Variants in AVEN observed in about 807,000 individuals in gnomAD.
AVEN encodes the protein cell death regulator Aven.
In AVEN, 41 loss-of-function variants were observed where a neutral mutation model predicts 38.1. The ratio of observed to expected loss-of-function variants is 1.08; its 90% CI spans 0.84 to 1.40. The LOEUF (loss-of-function observed/expected upper bound fraction) is 1.40, where lower values mean the gene tolerates loss of function less well. Among genes scored for constraint, AVEN ranks in the 40% most tolerant of loss-of-function variants. The pLI is 0.00. For synonymous variants in AVEN, 206 were observed against 171.8 expected (o/e 1.20, Z -1.56); for missense variants, 605 against 438.8 (o/e 1.38, Z -3.38).
intron 2 of AVEN, among the ~76,000 whole-genome samples, chr15:33,988,870 A>T (rs1876721951): frequency 6.6e-6 from 1 of 152,228 alleles, no homozygotes; most frequent in African/African-American, 2.4e-5. Flanking sequence ...AGTAAAGGTG[A>T]TTTCCCAACT....
At chr15:33,894,825 ATAACAATAATAATAAT>A (rs1892160193) in intron 2 of AVEN, among the ~76,000 whole-genome samples, 1 of 87,676 alleles carries the variant, frequency 1.1e-5, no homozygotes, top group Non-Finnish European at 2.3e-5. Context: ...AAAAAAAATA[ATAACAATAATAATAAT>A]AATAATAATA....
intron 2 of AVEN, among the ~76,000 whole-genome samples, chr15:33,942,973 A>T (rs1894372577): frequency 6.6e-6 from 1 of 152,246 alleles, no homozygotes; most frequent in Non-Finnish European, 1.5e-5. Flanking sequence ...AATAAAAGTG[A>T]ATGTTGGCAA....
At chr15:33,868,296 G>C (rs1056791906) in intron 4 of AVEN, among the ~76,000 whole-genome samples, 1 of 152,068 alleles carries the variant, frequency 6.6e-6, no homozygotes, top group East Asian at 1.9e-4. Flanking sequence ...GGCCAAGGTG[G>C]GTGGATCATG....
At chr15:33,859,272 T>A (rs1185921624) in intron 11 of AVEN, among the ~76,000 whole-genome samples, 1 of 152,236 alleles carries the variant, frequency 6.6e-6, no homozygotes, top group African/African-American at 2.4e-5. Flanking sequence ...AAAATTATTA[T>A]ATGGCATAGG....
chr15:33,920,894 GC>G (rs891515557), intron 2 of AVEN, among the ~76,000 whole-genome samples: 3 of 151,954 alleles, frequency 2.0e-5, no homozygotes, highest in African/African-American at 7.3e-5. Flanking sequence ...TCCTGCCTCA[GC>G]CCCCCAAGCA....
intron 4 of AVEN, 132 bp from the exon 5 acceptor site, chr15:33,867,987 TG>T: frequency 7.8e-7 from 1 of 1,288,986 alleles, no homozygotes. Flanking sequence ...GTTCACAAAG[TG>T]GCTCCTTTCC....
intron 5 of AVEN, among the ~76,000 whole-genome samples, chr15:34,055,467 T>G (rs1900103934): frequency 6.6e-6 from 1 of 151,782 alleles, no homozygotes. Flanking sequence ...ATCACGCCAC[T>G]GCATTCCAGC....
intron 2 of AVEN, among the ~76,000 whole-genome samples, chr15:33,993,868 A>G (rs1896828286): frequency 6.6e-6 from 1 of 152,158 alleles, no homozygotes; most frequent in African/African-American, 2.4e-5. Flanking sequence ...TGAACTTTAT[A>G]TAATAGAATC....
At chr15:34,075,038 G>A (rs536732520) in exon 1 of AVEN, among the ~76,000 whole-genome samples, 3 of 152,104 alleles carry the variant, frequency 2.0e-5, no homozygotes, top group Admixed American at 6.5e-5. Flanking sequence ...GTAGCTGGGC[G>A]TGGTGGCACA....
intron 1 of AVEN, among the ~76,000 whole-genome samples, chr15:34,014,225 G>A (rs922545993): frequency 5.3e-5 from 8 of 151,868 alleles, no homozygotes; most frequent in South Asian, 2.1e-4. Flanking sequence ...TTAGCCAGGC[G>A]TGGTGGCACG....
intron 2 of AVEN, among the ~76,000 whole-genome samples, chr15:33,916,827 A>AG (rs1270146704): frequency 6.6e-6 from 1 of 152,084 alleles, no homozygotes; most frequent in African/African-American, 2.4e-5. Flanking sequence ...AAAAAAAAAA[A>AG]GAGGTTTAAT....
intron 2 of AVEN, among the ~76,000 whole-genome samples, chr15:33,935,202 T>C (rs569103595): frequency 6.6e-6 from 1 of 152,290 alleles, no homozygotes; most frequent in African/African-American, 2.4e-5. Flanking sequence ...TGAAAACATC[T>C]CTTTCCACAG....
intron 2 of AVEN, among the ~76,000 whole-genome samples, chr15:33,928,046 G>A (rs900172883): frequency 2.6e-5 from 4 of 152,204 alleles, no homozygotes; most frequent in Non-Finnish European, 5.9e-5. Flanking sequence ...GGTTTGGAAT[G>A]TATAAAGAAG....
chr15:34,054,720 T>C (rs1900063109), intron 5 of AVEN, among the ~76,000 whole-genome samples: 1 of 151,970 alleles, frequency 6.6e-6, no homozygotes, highest in Admixed American at 6.6e-5. Context: ...TCAAGAAGAA[T>C]AGGTAATAGA....
chr15:33,864,849 A>ATCTT (rs1055405966), downstream of AVEN: 14 of 357,472 alleles, frequency 3.9e-5, 1 homozygote, highest in Admixed American at 6.0e-4. Flanking sequence ...TTATTGCTAA[A>ATCTT]TCTTTAAGTA....
At chr15:34,021,206 G>T (rs1898185190) in intron 1 of AVEN, among the ~76,000 whole-genome samples, 1 of 151,646 alleles carries the variant, frequency 6.6e-6, no homozygotes, top group African/African-American at 2.4e-5. Flanking sequence ...TTTTTTTGGA[G>T]ATGGAGTTTT....
intron 1 of AVEN, among the ~76,000 whole-genome samples, chr15:34,011,917 A>G (rs945942284): frequency 2.6e-5 from 4 of 152,208 alleles, no homozygotes; most frequent in Non-Finnish European, 4.4e-5. Context: ...AGACTGGAGT[A>G]ACTTTTATTG....
intron 2 of AVEN, among the ~76,000 whole-genome samples, chr15:33,918,197 T>TAAGCA (rs920008993): frequency 3.9e-5 from 6 of 152,194 alleles, no homozygotes; most frequent in Non-Finnish European, 7.3e-5. Flanking sequence ...CATACGTATC[T>TAAGCA]AAGCAAAGCA....
chr15:33,866,607 C>A lies in AVEN; in HGVS notation c.*6G>T. 1 of 1,609,450 alleles carries A rather than the reference C, an allele frequency of 6.2e-7. No homozygotes were observed. The highest frequency in any genetic ancestry group is 8.5e-7 in the Non-Finnish European group (1 of 1,177,280). Reference sequence around the variant, plus strand: ...AGATTTGCTTCAGGCACTTTTTTTCCCCTTTTTAGGAAATCATGCTGTCCA... The same window carrying A: ...AGATTTGCTTCAGGCACTTTTTTTCACCTTTTTAGGAAATCATGCTGTCCA... On this transcript the variant is annotated 3_prime_UTR_variant, in exon 6 of 6. Transcript: ENST00000306730.
Sources: gnomAD v4.1 joint callset for allele counts (sites outside exome capture counted in the v4.1 genomes callset) on GRCh38, gnomAD v4.1.1 for gene constraint, MANE v1.5 for transcripts, NCBI Gene and HGNC (gene_info 2026-07-23, HGNC 2026-07-21) for gene names.